The following LRMDA variants were observed in gnomAD, a reference collection of about 807,000 sequenced individuals.
The protein encoded by LRMDA is leucine-rich melanocyte differentiation-associated protein.
A neutral mutation model predicts 29.8 loss-of-function variants in LRMDA; 18 were observed. That is an observed-to-expected ratio of 0.60 (90% CI 0.42 to 0.90). LRMDA has a LOEUF of 0.90. Among genes scored for constraint, LRMDA ranks in the 40% least tolerant of loss-of-function variants. The pLI is 0.00. For synonymous variants in LRMDA, 125 were observed against 109.4 expected (o/e 1.14, Z -0.89); for missense variants, 273 against 273.9 (o/e 1.00, Z 0.02).
intron 6 of LRMDA, among the ~76,000 whole-genome samples, chr10:76,540,811 C>G (rs1843345502): frequency 6.6e-6 from 1 of 152,168 alleles, no homozygotes; most frequent in Admixed American, 6.5e-5. Flanking sequence ...CGAGTCTGCA[C>G]TTGGGGCTCA....
intron 6 of LRMDA, among the ~76,000 whole-genome samples, chr10:76,529,751 T>C (rs1026960244): frequency 1.3e-5 from 2 of 152,156 alleles, no homozygotes; most frequent in Admixed American, 6.6e-5. Context: ...AGGGAGACTA[T>C]AGCTCTTTTG....
At chr10:76,291,914 A>G (rs1389851474) in intron 5 of LRMDA, among the ~76,000 whole-genome samples, 2 of 81,586 alleles carry the variant, frequency 2.5e-5, no homozygotes, top group African/African-American at 5.2e-5. Context: ...CCACACGTGC[A>G]CACACACACA....
chr10:76,459,920 G>A (rs1842495134), intron 6 of LRMDA, among the ~76,000 whole-genome samples: 1 of 151,848 alleles, frequency 6.6e-6, no homozygotes, highest in African/African-American at 2.4e-5. Flanking sequence ...AGTGACAGAT[G>A]TGCACTGAGT....
intron 2 of LRMDA, among the ~76,000 whole-genome samples, chr10:75,735,722 G>A (rs923393687): frequency 1.3e-5 from 2 of 152,062 alleles, no homozygotes; most frequent in Non-Finnish European, 2.9e-5. Flanking sequence ...GGGTTTGTGT[G>A]ACACTGTTAA....
At chr10:75,942,853 G>C (rs569915384) in intron 2 of LRMDA, among the ~76,000 whole-genome samples, 2 of 152,264 alleles carry the variant, frequency 1.3e-5, no homozygotes, top group African/African-American at 2.4e-5. Flanking sequence ...GTAACTATGT[G>C]TTCTGATTGC....
At chr10:75,911,531 A>C (rs1845843075) in intron 2 of LRMDA, among the ~76,000 whole-genome samples, 2 of 152,190 alleles carry the variant, frequency 1.3e-5, no homozygotes, top group South Asian at 2.1e-4. Flanking sequence ...AACTCTTTAC[A>C]TCTTTGTTAC....
chr10:75,838,692 T>G (rs1844483621), intron 2 of LRMDA, among the ~76,000 whole-genome samples: 1 of 152,252 alleles, frequency 6.6e-6, no homozygotes, highest in Non-Finnish European at 1.5e-5. Context: ...GAGCTACTAC[T>G]TCTTAACTCA....
intron 2 of LRMDA, among the ~76,000 whole-genome samples, chr10:75,932,461 A>C (rs1846221841): frequency 6.6e-6 from 1 of 152,178 alleles, no homozygotes; most frequent in Non-Finnish European, 1.5e-5. Context: ...AAATAAAAAT[A>C]AATTATCTGG....
At chr10:75,688,347 T>G (rs192179043) in intron 2 of LRMDA, among the ~76,000 whole-genome samples, 1 of 152,322 alleles carries the variant, frequency 6.6e-6, no homozygotes, top group Admixed American at 6.5e-5. Context: ...GAAGTGGATT[T>G]TAAACCTCAT....
Position 76,047,240 on chromosome 10 carries a change from A to AC in LRMDA, c.336dup (p.Val113ArgfsTer14). On this transcript the variant is annotated frameshift_variant, in exon 4 of 7. Coordinates refer to ENST00000611255, the MANE Select transcript of LRMDA (RefSeq NM_001305581.2). LOFTEE classifies it high-confidence loss of function. ...CTGGAGTACCTCAGTCTGCTGGGCA[A>AC]CGTGGCCTGTCCCAACGAGCTGGTC... is the stretch of plus-strand genomic sequence containing the variant. The AC allele has an allele frequency of 6.2e-7, 1 of 1,614,128 alleles. No individual in the cohort carries two copies. Among genetic ancestry groups the AC allele is most frequent in the Non-Finnish European group, 8.5e-7 (1 of 1,179,986 alleles).
rs143825576 is a variant in LRMDA, at chr10:76,042,081, T to C, written c.259-5083T>C. Reference sequence around the variant, plus strand: ...TGTTGGATCTCAAAACCAGCCAACATAAGGCTGTGTTTGTCCTTGCTGACC... The same window carrying C: ...TGTTGGATCTCAAAACCAGCCAACACAAGGCTGTGTTTGTCCTTGCTGACC... On this transcript the variant is annotated intron_variant, in intron 3 of 6. Transcript: ENST00000611255. Among the ~76,000 whole-genome samples the C allele has an allele frequency of 1.8e-3, 268 of 152,278 alleles. 1 individual carries two copies. The highest frequency in any genetic ancestry group is 5.3e-3 in the African/African-American group (219 of 41,556).
chr10:75,469,570 G>A (rs1257313718), intron 2 of LRMDA, among the ~76,000 whole-genome samples: 1 of 132,238 alleles, frequency 7.6e-6, no homozygotes, highest in Non-Finnish European at 1.6e-5. Flanking sequence ...GGCTGCCCAT[G>A]TGTGTGAGTG....
Position 75,843,852 on chromosome 10 carries a change from T to A in LRMDA, c.132-192156T>A, listed in dbSNP as rs542265084. 3.9e-5 allele frequency among the ~76,000 whole-genome samples: 6 copies of A among 152,226 alleles called. No homozygotes were observed. The South Asian group carries it at 1.2e-3, about 32-fold the overall frequency. On this transcript the variant is annotated intron_variant, in intron 2 of 6. Coordinates refer to ENST00000611255, the MANE Select transcript of LRMDA (RefSeq NM_001305581.2). ...CAATAGAAGAGGAGATGTTGTAAGG[T>A]CATCCATGCCCTTGCAAATGTTCAG... is the stretch of plus-strand genomic sequence containing the variant.
intron 2 of LRMDA, among the ~76,000 whole-genome samples, chr10:75,928,419 C>T (rs1846156240): frequency 6.6e-6 from 1 of 152,078 alleles, no homozygotes; most frequent in South Asian, 2.1e-4. Context: ...AAAATAACCC[C>T]TTACTCCAGT....
intron 5 of LRMDA, among the ~76,000 whole-genome samples, chr10:76,293,289 G>A (rs59626024): frequency 0.051 from 7,729 of 152,202 alleles, 513 homozygotes; most frequent in African/African-American, 0.15. Flanking sequence ...CCTAGTCTGT[G>A]TGCCTTAATC....
chr10:76,071,123 G>A (rs925561823), intron 5 of LRMDA, among the ~76,000 whole-genome samples: 1 of 152,130 alleles, frequency 6.6e-6, no homozygotes, highest in African/African-American at 2.4e-5. Flanking sequence ...TTCCCTTGGC[G>A]AATCTGGAAA....
chr10:76,053,145 C>A (rs1462832381), intron 4 of LRMDA, among the ~76,000 whole-genome samples: 2 of 152,146 alleles, frequency 1.3e-5, no homozygotes, highest in African/African-American at 4.8e-5. Flanking sequence ...TACTTACCTG[C>A]AAACCCTATT....
chr10:76,141,963 A>G lies in LRMDA; in HGVS notation c.516+83180A>G, dbSNP rs375016266. 1.5e-3 allele frequency among the ~76,000 whole-genome samples: 229 copies of G among 152,084 alleles called. 2 individuals are homozygous for G. The highest frequency in any genetic ancestry group is 5.2e-3 in the African/African-American group (216 of 41,496). ...CTGTTTGAATCGTGGATGCATTTACATGTTGCCCCCTTACCTAGATTCTAC... is the reference window on the plus strand; with the variant it reads ...CTGTTTGAATCGTGGATGCATTTACGTGTTGCCCCCTTACCTAGATTCTAC... On this transcript the variant is annotated intron_variant, in intron 5 of 6. Coordinates refer to ENST00000611255, the MANE Select transcript of LRMDA (RefSeq NM_001305581.2).
chr10:76,320,999 G>A (rs1216169016), intron 5 of LRMDA, among the ~76,000 whole-genome samples: 1 of 151,986 alleles, frequency 6.6e-6, no homozygotes, highest in African/African-American at 2.4e-5. Flanking sequence ...CCTATTCAAA[G>A]CAAGATATAG....
Sources: gnomAD v4.1 joint callset for allele counts (sites outside exome capture counted in the v4.1 genomes callset) on GRCh38, gnomAD v4.1.1 for gene constraint, MANE v1.5 for transcripts, NCBI Gene and HGNC (gene_info 2026-07-23, HGNC 2026-07-21) for gene names.